The following TET3 variants were observed in gnomAD, a reference collection of about 807,000 sequenced individuals.
TET3 encodes the protein tet methylcytosine dioxygenase 3.
Under a neutral mutation model 141.4 loss-of-function variants are expected in TET3, and 19 were observed. That is an observed-to-expected ratio of 0.13 (90% CI 0.09 to 0.20). The LOEUF (loss-of-function observed/expected upper bound fraction) is 0.20. TET3 is among the 10% of genes least tolerant of loss of function. TET3 has a pLI of 1.00. For missense variants in TET3, 1,874 were observed against 2,356.9 expected (o/e 0.80, Z 4.24); for synonymous variants, 1,043 against 980.9 (o/e 1.06, Z -1.18).
In TET3 at chr2:74,062,714, A is replaced by T. The variant is rs191822286; in HGVS notation, c.2495-10835A>T. The stretch of plus-strand genomic sequence containing the variant: ...AAGCACTAAACATGGAAAACATAAA[A>T]TGCCGGAAATATATGTTATAACAAT... On this transcript the variant is annotated intron_variant, in intron 4 of 11. Transcript: ENST00000409262. Among the ~76,000 whole-genome samples, 553 of 152,278 alleles carry T rather than the reference A, an allele frequency of 3.6e-3. 2 individuals are homozygous for T. The highest frequency in any genetic ancestry group is 0.013 in the African/African-American group (541 of 41,554).
At chr2:74,066,380 G>A (rs1688901428) in intron 4 of TET3, among the ~76,000 whole-genome samples, 2 of 152,060 alleles carry the variant, frequency 1.3e-5, no homozygotes, top group African/African-American at 4.8e-5. Flanking sequence ...ACAAGAAATC[G>A]ATGGTGGTAG....
intron 4 of TET3, among the ~76,000 whole-genome samples, chr2:74,050,271 T>C (rs746118462): frequency 6.6e-5 from 10 of 152,222 alleles, no homozygotes; most frequent in Admixed American, 1.3e-4. Context: ...CTTCCTCATA[T>C]GTAGAATGAA....
At position 74,093,663 on chromosome 2, in the gene TET3, C is replaced by T. The variant is rs199536061; in HGVS notation, c.3264C>T (p.Thr1088=). 2.2e-5 allele frequency: 35 copies of T among 1,604,106 alleles called. No individual in the cohort carries two copies. The highest frequency in any genetic ancestry group is 2.8e-5 in the Non-Finnish European group (33 of 1,174,036). The change falls in exon 10 of 12, where the codon ACC becomes ACT. Residue 1088 remains threonine (T), a synonymous_variant. Coordinates refer to ENST00000409262, the MANE Select transcript of TET3 (RefSeq NM_001287491.2). This position sits in a 1 kb window ranked among gnomAD's most constrained non-coding sequence, Gnocchi z 4.2. ...KDQHNLYNGC[T]VVCTLTKEDN... ...AGCATAACCTCTACAATGGGTGCAC[C>T]GTGGTAAGCCTGTGCCCTGTCATAG... is the stretch of plus-strand genomic sequence containing the variant.
In TET3 at chr2:74,087,567, T is replaced by C. The variant is rs2104061791; in HGVS notation, c.2680-263T>C. Among the ~76,000 whole-genome samples, 1 of 152,358 alleles carries C rather than the reference T, an allele frequency of 6.6e-6. No individual in the cohort carries two copies. On this transcript the variant is annotated intron_variant, in intron 6 of 11. Coordinates refer to ENST00000409262, the MANE Select transcript of TET3 (RefSeq NM_001287491.2). The surrounding 1 kb of genome is among the most constrained non-coding windows in gnomAD (Gnocchi z 4.3). ...TGTAAGTCATCAGCAACTTAGATTTTGTGGTAATTATTTTTTATTTCACTC... is the reference window on the plus strand; with the variant it reads ...TGTAAGTCATCAGCAACTTAGATTTCGTGGTAATTATTTTTTATTTCACTC...
chr2:74,109,893 T>A (rs760792205), downstream of TET3, among the ~76,000 whole-genome samples: 2 of 152,208 alleles, frequency 1.3e-5, no homozygotes, highest in Non-Finnish European at 2.9e-5. Flanking sequence ...ATTAGCTTTT[T>A]AAGCAGCGGC....
chr2:74,059,321 C>T (rs1688376631), intron 4 of TET3, among the ~76,000 whole-genome samples: 1 of 152,206 alleles, frequency 6.6e-6, no homozygotes, highest in Admixed American at 6.5e-5. Context: ...GATGCAATAT[C>T]GGCTTACTGC....
chr2:74,092,999 G>T lies in TET3; in HGVS notation c.3129+8G>T. On this transcript the variant is annotated splice_region_variant and intron_variant, in intron 9 of 11. Coordinates refer to ENST00000409262, the MANE Select transcript of TET3 (RefSeq NM_001287491.2). ...CAGGCCTATCAGAACCAGGTAACGGGCCCTGGGCCTTTTGCTGCCCACATG... is the reference window on the plus strand; with the variant it reads ...CAGGCCTATCAGAACCAGGTAACGGTCCCTGGGCCTTTTGCTGCCCACATG... The T allele has an allele frequency of 6.4e-7, 1 of 1,561,356 alleles. No individual in the cohort carries two copies. Among genetic ancestry groups the T allele is most frequent in the Non-Finnish European group, 8.7e-7 (1 of 1,152,604 alleles).
intron 3 of TET3, among the ~76,000 whole-genome samples, chr2:74,030,286 C>A (rs1253359743): frequency 2.0e-5 from 3 of 152,136 alleles, no homozygotes; most frequent in Non-Finnish European, 2.9e-5. Flanking sequence ...CATTTGTGTG[C>A]TTGGTTTTAC....
In TET3 at chr2:74,047,312, G is replaced by A; in HGVS notation, c.1395G>A (p.Gln465=). ...PSPDPMAELE[Q]LLGSASDYIQ... ...CCGATCCCATGGCTGAACTGGAGCA[G>A]TTGTTGGGCAGCGCCAGTGATTACA... Residue 465 remains glutamine (Q), a synonymous_variant, in exon 4 of 12, where the codon CAG becomes CAA. Coordinates refer to ENST00000409262, the MANE Select transcript of TET3 (RefSeq NM_001287491.2). 2.5e-6 allele frequency: 4 copies of A among 1,614,004 alleles called. No homozygotes were observed. The highest frequency in any genetic ancestry group is 3.4e-6 in the Non-Finnish European group (4 of 1,179,890).
intron 3 of TET3, among the ~76,000 whole-genome samples, chr2:74,033,224 A>G (rs1686850498): frequency 6.6e-6 from 1 of 152,242 alleles, no homozygotes; most frequent in African/African-American, 2.4e-5. Flanking sequence ...TTTGGAAACT[A>G]TAAACGAGAA....
chr2:74,034,676 T>C (rs1236478360), intron 3 of TET3, among the ~76,000 whole-genome samples: 1 of 152,116 alleles, frequency 6.6e-6, no homozygotes, highest in African/African-American at 2.4e-5. Flanking sequence ...TTGTCCATTC[T>C]GTAGTTTATG....
chr2:74,131,388 C>G, the TET3 span, among the ~76,000 whole-genome samples: 1 of 152,168 alleles, frequency 6.6e-6, no homozygotes, highest in South Asian at 2.1e-4. Context: ...TGGACTGGCT[C>G]TCCGCGGGTC....
At chr2:74,001,985 G>T (rs1467402391) in intron 2 of TET3, among the ~76,000 whole-genome samples, 1 of 152,094 alleles carries the variant, frequency 6.6e-6, no homozygotes, top group Non-Finnish European at 1.5e-5. Context: ...AGAGTGAGGT[G>T]TGGGTGTTTG....
chr2:74,045,925 G>A (rs1687596074), intron 3 of TET3, among the ~76,000 whole-genome samples: 1 of 152,210 alleles, frequency 6.6e-6, no homozygotes, highest in Admixed American at 6.5e-5. Flanking sequence ...TAAAGTCCTA[G>A]TGTGACTTTG....
downstream of TET3, among the ~76,000 whole-genome samples, chr2:74,109,537 C>T (rs1043966653): frequency 1.3e-5 from 2 of 152,180 alleles, no homozygotes; most frequent in Non-Finnish European, 2.9e-5. Flanking sequence ...TCTTTAACAT[C>T]CCAAGTTGTT....
chr2:74,114,511 T>G, the TET3 span, among the ~76,000 whole-genome samples: 1 of 152,126 alleles, frequency 6.6e-6, no homozygotes, highest in African/African-American at 2.4e-5. Flanking sequence ...AAATCATAAA[T>G]TTTATGTTCT....
chr2:74,090,197 C>A, intron 8 of TET3, 150 bp downstream of exon 8: 11 of 1,263,574 alleles, frequency 8.7e-6, no homozygotes, highest in Non-Finnish European at 1.2e-5. Context: ...CCTTATCTTG[C>A]TGTGAAATAA....
intron 3 of TET3, among the ~76,000 whole-genome samples, chr2:74,031,449 G>A (rs1050329943): frequency 2.0e-5 from 3 of 152,188 alleles, no homozygotes; most frequent in African/African-American, 7.2e-5. Flanking sequence ...CCTTTCAGAT[G>A]AACATGTGCA....
chr2:74,034,090 C>CT (rs996447255), intron 3 of TET3, among the ~76,000 whole-genome samples: 5 of 151,542 alleles, frequency 3.3e-5, no homozygotes, highest in African/African-American at 1.2e-4. Flanking sequence ...GAGCAACACT[C>CT]TGTCTCAGAG....
Sources: allele counts gnomAD v4.1 joint callset (sites outside exome capture counted in the v4.1 genomes callset), GRCh38; gene constraint gnomAD v4.1.1; non-coding constraint Gnocchi (gnomAD v3.1); transcripts MANE v1.5; gene names NCBI Gene and HGNC (gene_info 2026-07-23, HGNC 2026-07-21).